The following CPEB2 variants were observed in gnomAD, a reference collection of about 807,000 sequenced individuals.
The protein encoded by CPEB2 is cytoplasmic polyadenylation element-binding protein 2.
In CPEB2, 56 loss-of-function variants were observed where a neutral mutation model predicts 93.6. That is an observed-to-expected ratio of 0.60 (90% CI 0.48 to 0.75). CPEB2 has a LOEUF of 0.75. Ranked by LOEUF, CPEB2 falls within the 30% of genes least tolerant of loss-of-function variation. CPEB2 has a pLI of 0.00. For synonymous variants in CPEB2, 764 were observed against 586.3 expected, an observed-to-expected ratio of 1.30 and a Z score of -4.38; for missense variants, 1,579 against 1,395.1, an observed-to-expected ratio of 1.13 and a Z score of -2.10.
In CPEB2 at chr4:15,003,517, C is replaced by A. The variant is rs1722290015; in HGVS notation, c.844C>A (p.Pro282Thr). 7.0e-7 allele frequency: 1 copy of A among 1,436,438 alleles called. No individual in the cohort carries two copies. Among genetic ancestry groups the A allele is most frequent in the Non-Finnish European group, 9.1e-7 (1 of 1,097,484 alleles). 89.0% of individuals were successfully genotyped at this position (1,436,438 alleles called of 1,614,324 possible). ...PRRRHGGAGS[P>T]RKTPAAGEGS... ...GCGCCGCCACGGAGGCGCGGGCAGC[C>A]CTCGCAAGACCCCAGCCGCGGGCGA... Residue 282 changes from proline to threonine, a missense_variant, in exon 1 of 12, where the codon CCT (proline) becomes ACT (threonine). Around this residue, in one of 2 missense-constraint regions of CPEB2, gnomAD observed 1,411 missense variants for 1,056.0 expected, o/e 1.34. Coordinates refer to ENST00000538197, the MANE Select transcript of CPEB2 (RefSeq NM_001177382.2).
At chr4:15,019,953 G>A (rs998217053) in intron 4 of CPEB2, among the ~76,000 whole-genome samples, 1 of 152,036 alleles carries the variant, frequency 6.6e-6, no homozygotes, top group Non-Finnish European at 1.5e-5. Context: ...ATCTCATGAA[G>A]TAGCAGTCAA....
At position 15,002,889 on chromosome 4, in the gene CPEB2, C is replaced by G. The variant is rs893442572; in HGVS notation, c.216C>G (p.Gly72=). Residue 72 remains glycine, a synonymous_variant, in exon 1 of 12, where the codon GGC becomes GGG. Coordinates refer to ENST00000538197, the MANE Select transcript of CPEB2 (RefSeq NM_001177382.2). ...ASPFSVPLGG[G]AGSPAAAASS... is the part of the protein sequence containing the mutation. Reference sequence around the variant, plus strand: ...CCTTCTCCGTCCCCCTCGGCGGCGGCGCGGGCAGCCCGGCCGCCGCCGCTT... The same window carrying G: ...CCTTCTCCGTCCCCCTCGGCGGCGGGGCGGGCAGCCCGGCCGCCGCCGCTT... 2.0e-6 allele frequency: 3 copies of G among 1,516,334 alleles called. No homozygotes were observed. The highest frequency in any genetic ancestry group is 2.6e-6 in the Non-Finnish European group (3 of 1,141,608). 93.9% of individuals were successfully genotyped at this position (1,516,334 alleles called of 1,614,324 possible). A position where few individuals can be genotyped will look rare whatever the true frequency, so the allele number is the denominator to read the frequency against.
chr4:15,052,906 T>C (rs1190556631), intron 7 of CPEB2, among the ~76,000 whole-genome samples: 1 of 152,026 alleles, frequency 6.6e-6, no homozygotes, highest in African/African-American at 2.4e-5. Context: ...TTAAAGCTTT[T>C]TGTATCACCA....
In CPEB2 at chr4:15,002,484, ACGGCGG is replaced by A. The variant is rs907564636; in HGVS notation, c.-178_-173del. ...GGCCAGGGCGGCTACGGCGACTGCG[ACGGCGG>A]CGGCGGCGGCGATCGCCGCGAGGGG... On this transcript the variant is annotated 5_prime_UTR_variant, in exon 1 of 12. Transcript: ENST00000538197. The A allele has an allele frequency of 1.6e-5, 8 of 487,676 alleles. No homozygotes were observed. The highest frequency in any genetic ancestry group is 8.2e-5 in the African/African-American group (4 of 48,750). The allele number at this position is 487,676 out of a possible 1,614,324, so 30.2% of individuals were successfully genotyped here.
chr4:15,052,428 T>C lies in CPEB2; in HGVS notation c.2215T>C (p.Phe739Leu), dbSNP rs780972165. Reference sequence around the variant, plus strand: ...CTTTATTCTAGGTCGTTCTTCCCTCTTTCCAATAGATGATGGCTTGCTTGA... The same window carrying C: ...CTTTATTCTAGGTCGTTCTTCCCTCCTTCCAATAGATGATGGCTTGCTTGA... ...YGRRRGRSSL[F>L]PIDDGLLDDG... The change falls in exon 7 of 12, where the codon TTT (phenylalanine) becomes CTT (leucine). Residue 739 changes from phenylalanine (F) to leucine (L), a missense_variant. This residue lies in a region of CPEB2 where 1,411 missense variants were observed against 1,056.0 expected (regional missense o/e 1.34). Transcript: ENST00000538197. The C allele has an allele frequency of 6.6e-7, 1 of 1,517,086 alleles. No homozygotes were observed. The highest frequency in any genetic ancestry group is 1.9e-5 in the Admixed American group (1 of 51,616). 94.0% of individuals were successfully genotyped at this position (1,517,086 alleles called of 1,614,324 possible).
chr4:15,019,764 C>T (rs1224505068), intron 4 of CPEB2, among the ~76,000 whole-genome samples: 4 of 151,964 alleles, frequency 2.6e-5, no homozygotes, highest in African/African-American at 9.7e-5. Flanking sequence ...TGAATTATTT[C>T]TCTTTATATT....
In CPEB2 at chr4:15,002,840, C is replaced by A. The variant is rs1370086464; in HGVS notation, c.167C>A (p.Thr56Asn). 2 of 1,535,328 alleles carry A rather than the reference C, an allele frequency of 1.3e-6. No homozygotes were observed. Among genetic ancestry groups the A allele is most frequent in the Non-Finnish European group, 1.7e-6 (2 of 1,146,600 alleles). The change falls in exon 1 of 12, where the codon ACC becomes AAC. Residue 56 changes from threonine (T) to asparagine (N), a missense_variant. This residue lies in a region of CPEB2 where 1,411 missense variants were observed against 1,056.0 expected (regional missense o/e 1.34). Coordinates refer to ENST00000538197, the MANE Select transcript of CPEB2 (RefSeq NM_001177382.2). ...GPLSPPPLPVTGFLEAASPFS... is the reference protein window; with the variant it reads ...GPLSPPPLPVNGFLEAASPFS... ...CTGTCGCCACCACCGTTGCCTGTCA[C>A]CGGCTTCTTAGAGGCCGCCTCCCCC...
At chr4:15,044,463 C>A (rs1018057357) in intron 6 of CPEB2, among the ~76,000 whole-genome samples, 1 of 151,982 alleles carries the variant, frequency 6.6e-6, no homozygotes, top group African/African-American at 2.4e-5. Context: ...TTTTAGTAAA[C>A]CTAATTTTAA....
intron 6 of CPEB2, among the ~76,000 whole-genome samples, chr4:15,046,457 C>T (rs1052154704): frequency 1.3e-5 from 2 of 152,180 alleles, no homozygotes; most frequent in Non-Finnish European, 2.9e-5. Context: ...AACTCCTCAC[C>T]TCAGGTGATC....
intron 3 of CPEB2, among the ~76,000 whole-genome samples, chr4:15,009,853 A>G (rs934997400): frequency 2.0e-5 from 3 of 152,210 alleles, no homozygotes; most frequent in Non-Finnish European, 4.4e-5. Flanking sequence ...GATAGGGGTG[A>G]TAATGAAAGG....
In CPEB2 at chr4:15,017,263, C is replaced by A; in HGVS notation, c.2110C>A (p.His704Asn). The A allele has an allele frequency of 6.3e-7, 1 of 1,587,052 alleles. No homozygotes were observed. The highest frequency in any genetic ancestry group is 8.6e-7 in the Non-Finnish European group (1 of 1,158,728). The change falls in exon 4 of 12, where the codon CAT (histidine) becomes AAT (asparagine). Residue 704 changes from histidine to asparagine, a missense_variant. Around this residue, in one of 2 missense-constraint regions of CPEB2, gnomAD observed 1,411 missense variants for 1,056.0 expected, o/e 1.34. Transcript: ENST00000538197. ...CCTTATCGATATTATGAGAGCAGAG[C>A]ATGATCCTCTTAAGGGTAGGTGACT... is the stretch of plus-strand genomic sequence containing the variant. ...NSLIDIMRAE[H>N]DPLKGRLSYP...
At chr4:15,025,810 G>A (rs958043677) in intron 4 of CPEB2, among the ~76,000 whole-genome samples, 1 of 124,688 alleles carries the variant, frequency 8.0e-6, no homozygotes, top group Admixed American at 8.0e-5. Context: ...ATGTATACAC[G>A]GCTTAGGTTT....
intron 6 of CPEB2, among the ~76,000 whole-genome samples, chr4:15,048,381 T>A (rs992269930): frequency 6.6e-6 from 1 of 151,922 alleles, no homozygotes; most frequent in African/African-American, 2.4e-5. Flanking sequence ...TATTTTAAGT[T>A]ATGACTTTCA....
chr4:15,003,434 G>T lies in CPEB2; in HGVS notation c.761G>T (p.Arg254Leu). ...CCGCAGGACTTCGCCCCGCGGCAGCGTCCGGCAGACCTGCCCCCGCTCCCG... is the reference window on the plus strand; with the variant it reads ...CCGCAGGACTTCGCCCCGCGGCAGCTTCCGGCAGACCTGCCCCCGCTCCCG... ...LSPQDFAPRQRPADLPPLPQL... is the reference protein window; with the variant it reads ...LSPQDFAPRQLPADLPPLPQL... The change falls in exon 1 of 12, where the codon CGT becomes CTT. Residue 254 changes from arginine (R) to leucine (L), a missense_variant. By Grantham distance (102) the Arg-to-Leu change is moderately radical. Around this residue, in one of 2 missense-constraint regions of CPEB2, gnomAD observed 1,411 missense variants for 1,056.0 expected, o/e 1.34. Coordinates refer to ENST00000538197, the MANE Select transcript of CPEB2 (RefSeq NM_001177382.2). 7.4e-7 allele frequency: 1 copy of T among 1,357,044 alleles called. No individual in the cohort carries two copies. The highest frequency in any genetic ancestry group is 1.9e-5 in the South Asian group (1 of 53,980). The allele number at this position is 1,357,044 out of a possible 1,614,324, so 84.1% of individuals were successfully genotyped here.
At chr4:15,018,445 T>C (rs1055272070) in intron 4 of CPEB2, among the ~76,000 whole-genome samples, 3 of 151,664 alleles carry the variant, frequency 2.0e-5, no homozygotes, top group East Asian at 1.9e-4. Flanking sequence ...TACAAACTTA[T>C]AGTTGTATGT....
At chr4:15,042,220 C>T (rs769379701) in intron 6 of CPEB2, among the ~76,000 whole-genome samples, 3 of 152,074 alleles carry the variant, frequency 2.0e-5, no homozygotes, top group Non-Finnish European at 4.4e-5. Context: ...AGTCTAATTT[C>T]GTATGCTCTC....
chr4:15,003,480 TGCAGCCCC>T lies in CPEB2; in HGVS notation c.810_817del (p.Arg273ProfsTer52). ...TCCCGCAGCTCCCTCCCTCGCCGCC[TGCAGCCCC>T]GCGGCGCCGCCACGGAGGCGCGGGC... On this transcript the variant is annotated frameshift_variant, in exon 1 of 12. Transcript: ENST00000538197. LOFTEE classifies it high-confidence loss of function. 1 of 1,396,424 alleles carries T rather than the reference TGCAGCCCC, an allele frequency of 7.2e-7. No individual in the cohort carries two copies. The highest frequency in any genetic ancestry group is 9.3e-7 in the Non-Finnish European group (1 of 1,080,244). The allele number at this position is 1,396,424 out of a possible 1,614,324, so 86.5% of individuals were successfully genotyped here.
intron 3 of CPEB2, among the ~76,000 whole-genome samples, chr4:15,012,683 A>G (rs991055656): frequency 3.9e-5 from 6 of 152,128 alleles, no homozygotes; most frequent in South Asian, 4.1e-4. Flanking sequence ...ATTAAGGACA[A>G]TATTAGCACT....
Position 15,051,857 on chromosome 4 carries a change from G to T in CPEB2, c.2201-557G>T, listed in dbSNP as rs188534237. On this transcript the variant is annotated intron_variant, in intron 6 of 11. Coordinates refer to ENST00000538197, the MANE Select transcript of CPEB2 (RefSeq NM_001177382.2). ...AATGTGGGCTCAAATGGGCACTAAC[G>T]TGCTAGAGGGGGTACCTTTTCTATT... Among the ~76,000 whole-genome samples the T allele has an allele frequency of 2.5e-3, 374 of 152,294 alleles. 3 individuals are homozygous for T. Among genetic ancestry groups the T allele is most frequent in the African/African-American group, 8.4e-3 (347 of 41,552 alleles).
Sources: gnomAD v4.1 joint callset for allele counts (sites outside exome capture counted in the v4.1 genomes callset) on GRCh38, gnomAD v4.1.1 for gene constraint, gnomAD v4.1.1 regional missense constraint, MANE v1.5 for transcripts, NCBI Gene and HGNC (gene_info 2026-07-23, HGNC 2026-07-21) for gene names.